Variants in MAP4K1 observed in about 807,000 individuals in gnomAD.
The protein encoded by MAP4K1 is mitogen-activated protein kinase kinase kinase kinase 1.
MAP4K1 carries 35 observed loss-of-function variants against 122.8 expected under a neutral mutation model. The observed-to-expected ratio is 0.29, with a 90% confidence interval of 0.22 to 0.38. The LOEUF is 0.38. Among genes scored for constraint, MAP4K1 ranks in the 10% least tolerant of loss-of-function variants. The probability of loss-of-function intolerance (pLI) is 1.00; values close to 1 mark genes in which losing one functional copy is unlikely to be tolerated. For synonymous variants in MAP4K1, 412 were observed against 421.3 expected (o/e 0.98, Z 0.27); for missense variants, 791 against 1,072.6 (o/e 0.74, Z 3.67).
chr19:38,615,579 GAGAC>G (rs557084384), intron 4 of MAP4K1, among the ~76,000 whole-genome samples: 5 of 152,142 alleles, frequency 3.3e-5, no homozygotes, highest in Non-Finnish European at 5.9e-5. Flanking sequence ...GAGAGACAGA[GAGAC>G]AGACAGACAG....
intron 20 of MAP4K1, 166 bp downstream of exon 20, chr19:38,601,275 A>G: frequency 1.7e-6 from 1 of 598,416 alleles, no homozygotes; most frequent in East Asian, 3.1e-5. Context: ...TGATCACCAA[A>G]TCCTGAGTGT....
rs548761606 is a variant in MAP4K1 at position 38,602,318 on chromosome 19, G to C, written c.1447-793C>G. Among the ~76,000 whole-genome samples, 92 of 151,906 alleles carry C rather than the reference G, an allele frequency of 6.1e-4. 1 individual carries two copies. The highest frequency in any genetic ancestry group is 3.4e-3 in the Middle Eastern group (1 of 294). On this transcript the variant is annotated intron_variant, in intron 19 of 30. Coordinates refer to ENST00000396857, the MANE Select transcript of MAP4K1 (RefSeq NM_001042600.3). ...TCGAACTCCTGACCTCAGGTGATGCGTCTGCCTTGGTCTCCCAAAGTGCTG... is the reference window on the plus strand; with the variant it reads ...TCGAACTCCTGACCTCAGGTGATGCCTCTGCCTTGGTCTCCCAAAGTGCTG...
rs1163055879 is a variant in MAP4K1, at chr19:38,590,394, AATATATATATAT to A, written c.2397-2589_2397-2578del. Among the ~76,000 whole-genome samples the A allele has an allele frequency of 3.3e-3, 57 of 17,250 alleles. 1 individual carries two copies. Among genetic ancestry groups the A allele is most frequent in the East Asian group, 0.016 (4 of 250 alleles). The allele number at this position is 17,250 out of a possible 152,430, so 11.3% of individuals were successfully genotyped here. A position where few individuals can be genotyped will look rare whatever the true frequency, so the allele number is the denominator to read the frequency against. ...ACCAGAAAAAAAAAAAAAAAAAAAAAATATATATATATATATATATATATATATATATATATA... is the reference window on the plus strand; with the variant it reads ...ACCAGAAAAAAAAAAAAAAAAAAAAAATATATATATATATATATATATATA... On this transcript the variant is annotated intron_variant, in intron 30 of 30. Transcript: ENST00000396857.
intron 29 of MAP4K1, among the ~76,000 whole-genome samples, chr19:38,593,670 T>C (rs2145932951): frequency 6.6e-6 from 1 of 152,334 alleles, no homozygotes; most frequent in Admixed American, 6.5e-5. Context: ...CCACTGGGCG[T>C]GCCACTGGAG....
chr19:38,601,736 A>G (rs1975072338), intron 19 of MAP4K1: 1 of 533,996 alleles, frequency 1.9e-6, no homozygotes, highest in South Asian at 2.4e-5. Flanking sequence ...TGTTGTTGTT[A>G]TATATTTCTT....
intron 4 of MAP4K1, among the ~76,000 whole-genome samples, chr19:38,615,540 G>T (rs954592245): frequency 6.6e-6 from 1 of 151,986 alleles, no homozygotes; most frequent in Admixed American, 6.6e-5. Flanking sequence ...AGACCCAGAG[G>T]GTAACGAGGT....
At chr19:38,602,767 TAC>T (rs1220502825) in intron 19 of MAP4K1, among the ~76,000 whole-genome samples, 1 of 145,280 alleles carries the variant, frequency 6.9e-6, no homozygotes, top group African/African-American at 2.7e-5. Flanking sequence ...TATACGCATA[TAC>T]ATATATACAC....
chr19:38,593,182 C>G (rs972351172), intron 30 of MAP4K1, 100 bp downstream of exon 30: 4 of 1,140,658 alleles, frequency 3.5e-6, no homozygotes, highest in Non-Finnish European at 5.0e-6. Flanking sequence ...AGGTGAGACA[C>G]TGTCCAGGCT....
At chr19:38,602,761 C>T (rs1337979408) in intron 19 of MAP4K1, among the ~76,000 whole-genome samples, 4 of 146,554 alleles carry the variant, frequency 2.7e-5, no homozygotes, top group South Asian at 2.1e-4. Flanking sequence ...TACATATATA[C>T]GCATATACAT....
intron 13 of MAP4K1, among the ~76,000 whole-genome samples, chr19:38,608,828 A>AAAAAAAAAACAAAC (rs1555811720): frequency 7.3e-6 from 1 of 137,138 alleles, no homozygotes; most frequent in Admixed American, 7.4e-5. Flanking sequence ...AAAAAAAAAA[A>AAAAAAAAAACAAAC]ACATTAGCCA....
At chr19:38,613,806 G>C in intron 8 of MAP4K1, 74 bp downstream of exon 8, 1 of 1,180,000 alleles carries the variant, frequency 8.5e-7, no homozygotes, top group Non-Finnish European at 1.2e-6. Context: ...CAGGAAAGAG[G>C]ATCCCGGGGA....
At chr19:38,612,434 A>T (rs1975525133) in intron 9 of MAP4K1, among the ~76,000 whole-genome samples, 177 bp downstream of exon 9, 1 of 149,386 alleles carries the variant, frequency 6.7e-6, no homozygotes. Context: ...AATAAAAAAT[A>T]AAATAAAATA....
intron 19 of MAP4K1, among the ~76,000 whole-genome samples, chr19:38,602,858 A>ATATATACACATGTACATATATACT (rs1311529363): frequency 2.7e-5 from 4 of 149,022 alleles, no homozygotes; most frequent in Non-Finnish European, 5.9e-5. Flanking sequence ...ACACATATAC[A>ATATATACACATGTACATATATACT]TATATACACA....
rs1975443636 is a variant in MAP4K1, at chr19:38,609,898, A to G, written c.927+11T>C. The G allele has an allele frequency of 2.5e-6, 4 of 1,609,334 alleles. No individual in the cohort carries two copies. The highest frequency in any genetic ancestry group is 3.4e-6 in the Non-Finnish European group (4 of 1,175,602). ...GAGGTCCCCAGTGCTCTTGTCAGCCAAGGCTCTCACCTCGGGCTCCTCATC... is the reference window on the plus strand; with the variant it reads ...GAGGTCCCCAGTGCTCTTGTCAGCCGAGGCTCTCACCTCGGGCTCCTCATC... On this transcript the variant is annotated intron_variant, in intron 12 of 30. Coordinates refer to ENST00000396857, the MANE Select transcript of MAP4K1 (RefSeq NM_001042600.3).
rs1018063600 is a variant in MAP4K1 at position 38,603,650 on chromosome 19, C to A, written c.1446+1759G>T. 3.9e-5 allele frequency among the ~76,000 whole-genome samples: 6 copies of A among 152,154 alleles called. No homozygotes were observed. The Middle Eastern group carries it at 0.01, about 259-fold the overall frequency. ...AGGAGTTCAGGACCAGCTTGGGCAA[C>A]ATAGTGAGACCCTGCCTCTATAAAA... On this transcript the variant is annotated intron_variant, in intron 19 of 30. Transcript: ENST00000396857.
chr19:38,610,246 C>T (rs1975455222), intron 11 of MAP4K1, among the ~76,000 whole-genome samples: 1 of 152,108 alleles, frequency 6.6e-6, no homozygotes, highest in Non-Finnish European at 1.5e-5. Flanking sequence ...CACTCTGTCA[C>T]CCAGGCTGGA....
At chr19:38,602,920 AT>A (rs1162185649) in intron 19 of MAP4K1, among the ~76,000 whole-genome samples, 2 of 149,134 alleles carry the variant, frequency 1.3e-5, no homozygotes, top group African/African-American at 4.9e-5. Flanking sequence ...ATGTACACAT[AT>A]ACGCATATAC....
At chr19:38,607,786 GA>G in intron 16 of MAP4K1, 77 bp downstream of exon 16, 1 of 1,503,276 alleles carries the variant, frequency 6.7e-7, no homozygotes, top group Non-Finnish European at 9.1e-7. Flanking sequence ...AGGAGTGGAG[GA>G]AAGGCCACAT....
intron 22 of MAP4K1, among the ~76,000 whole-genome samples, chr19:38,599,507 C>T (rs1368635681): frequency 1.3e-5 from 2 of 151,168 alleles, no homozygotes; most frequent in African/African-American, 4.9e-5. Flanking sequence ...ACTAAAAATA[C>T]AAAATTTAGC....
Sources: allele counts gnomAD v4.1 joint callset (sites outside exome capture counted in the v4.1 genomes callset), GRCh38; gene constraint gnomAD v4.1.1; transcripts MANE v1.5; gene names NCBI Gene and HGNC (gene_info 2026-07-23, HGNC 2026-07-21).